The following EGFR variants were observed in gnomAD, a reference collection of about 807,000 sequenced individuals.
EGFR encodes avian erythroblastic leukemia viral (v-erb-b) oncogene homolog.
Under a neutral mutation model 143.0 loss-of-function variants are expected in EGFR, and 58 were observed. The ratio of observed to expected loss-of-function variants is 0.41; its 90% CI spans 0.33 to 0.50. The LOEUF is 0.50. Ranked by LOEUF, EGFR falls within the 20% of genes least tolerant of loss-of-function variation. The probability of loss-of-function intolerance (pLI) is 0.39; values close to 1 mark genes in which losing one functional copy is unlikely to be tolerated. For synonymous variants in EGFR, 613 were observed against 594.4 expected, an observed-to-expected ratio of 1.03 and a Z score of -0.45; for missense variants, 1,307 against 1,579.0, an observed-to-expected ratio of 0.83 and a Z score of 2.92.
At chr7:55,148,414 G>A (rs1794879006) in intron 4 of EGFR, among the ~76,000 whole-genome samples, 1 of 152,138 alleles carries the variant, frequency 6.6e-6, no homozygotes, top group Non-Finnish European at 1.5e-5. Context: ...AAAGGGGAAT[G>A]ATGGGTAGGT....
chr7:55,121,948 C>T (rs1793233532), intron 1 of EGFR, among the ~76,000 whole-genome samples: 1 of 152,190 alleles, frequency 6.6e-6, no homozygotes, highest in Admixed American at 6.5e-5. Context: ...TGGATCTGGG[C>T]ATCTCTCTTT....
At chr7:55,023,673 A>C (rs540058678) in intron 1 of EGFR, among the ~76,000 whole-genome samples, 71 of 148,846 alleles carry the variant, frequency 4.8e-4, no homozygotes, top group African/African-American at 1.7e-3. Context: ...AAAAAAACAG[A>C]TTCTGTTCCT....
At chr7:55,096,147 G>A (rs545004745) in intron 1 of EGFR, among the ~76,000 whole-genome samples, 3 of 152,186 alleles carry the variant, frequency 2.0e-5, no homozygotes, top group African/African-American at 4.8e-5. Flanking sequence ...GTGAAGATTC[G>A]ATTTGAGGTG....
rs2128953547 is a variant in EGFR, at chr7:55,173,947, A to G, written c.2088A>G (p.Gly696=). 6.2e-7 allele frequency: 1 copy of G among 1,614,238 alleles called. No individual in the cohort carries two copies. Among genetic ancestry groups the G allele is most frequent in the Non-Finnish European group, 8.5e-7 (1 of 1,180,038 alleles). ...RELVEPLTPS[G]EAPNQALLRI... ...TTGTGGAGCCTCTTACACCCAGTGG[A>G]GAAGCTCCCAACCAAGCTCTCTTGA... Residue 696 remains glycine (G), a synonymous_variant, in exon 18 of 28, where the codon GGA becomes GGG. Coordinates refer to ENST00000275493, the MANE Select transcript of EGFR (RefSeq NM_005228.5).
intron 1 of EGFR, among the ~76,000 whole-genome samples, chr7:55,140,966 A>G (rs1333893873): frequency 2.0e-5 from 3 of 152,244 alleles, no homozygotes; most frequent in African/African-American, 4.8e-5. Context: ...AGACAGTCCA[A>G]TGATACTCTT....
chr7:55,131,096 A>G (rs1000053581), intron 1 of EGFR, among the ~76,000 whole-genome samples: 2 of 152,204 alleles, frequency 1.3e-5, no homozygotes, highest in African/African-American at 4.8e-5. Context: ...AGTCACAGGT[A>G]CATGAGTCCT....
intron 1 of EGFR, among the ~76,000 whole-genome samples, chr7:55,089,856 A>G (rs1041247083): frequency 1.3e-5 from 2 of 152,198 alleles, no homozygotes; most frequent in African/African-American, 4.8e-5. Context: ...CCAGCTATGC[A>G]GGATGCCCTC....
chr7:55,111,955 G>A (rs1035974221), intron 1 of EGFR, among the ~76,000 whole-genome samples: 3 of 152,310 alleles, frequency 2.0e-5, no homozygotes, highest in Middle Eastern at 3.4e-3. Context: ...GTGGGGTGGG[G>A]TCCCAGGGTG....
At chr7:55,028,011 TATATATATATATATAC>T (rs61208955) in intron 1 of EGFR, among the ~76,000 whole-genome samples, 3,986 of 124,852 alleles carry the variant, frequency 0.032, 225 homozygotes, top group African/African-American at 0.12. Flanking sequence ...TATATATATA[TATATATATATATATAC>T]ACACACACAC....
At chr7:55,068,987 C>T (rs917417080) in intron 1 of EGFR, among the ~76,000 whole-genome samples, 2 of 152,136 alleles carry the variant, frequency 1.3e-5, no homozygotes, top group Non-Finnish European at 2.9e-5. Flanking sequence ...TGCAGGGACA[C>T]TTTGGGAACA....
intron 1 of EGFR, among the ~76,000 whole-genome samples, chr7:55,039,249 T>C (rs931680396): frequency 6.6e-6 from 1 of 152,242 alleles, no homozygotes; most frequent in Non-Finnish European, 1.5e-5. Flanking sequence ...TAAGGCTTTC[T>C]ATGACCTGCT....
chr7:55,117,387 T>TG lies in EGFR; in HGVS notation c.89-24892dup, dbSNP rs1485207113. On this transcript the variant is annotated intron_variant, in intron 1 of 27. Transcript: ENST00000275493. The stretch of plus-strand genomic sequence containing the variant: ...CTACAAGGAGGGGCATTTCCCGGGG[T>TG]GGGGGGGACCCACACTCTGTAACTC... Among the ~76,000 whole-genome samples, 30 of 151,618 alleles carry TG rather than the reference T, an allele frequency of 2.0e-4. No individual in the cohort carries two copies. The South Asian group carries it at 4.2e-3, about 21-fold the overall frequency.
At position 55,205,878 on chromosome 7, in the gene EGFR, T is replaced by A; in HGVS notation, c.*261T>A. The A allele has an allele frequency of 1.9e-6, 1 of 536,296 alleles. No homozygotes were observed. Among genetic ancestry groups the A allele is most frequent in the Non-Finnish European group, 3.3e-6 (1 of 302,330 alleles). The allele number at this position is 536,296 out of a possible 1,614,324, so 33.2% of individuals were successfully genotyped here. ...TATTGTCCCTTTGAGCAGAAATTTATCTTTCAAAGAGGTATATTTGAAAAA... is the reference window on the plus strand; with the variant it reads ...TATTGTCCCTTTGAGCAGAAATTTAACTTTCAAAGAGGTATATTTGAAAAA... On this transcript the variant is annotated 3_prime_UTR_variant, in exon 28 of 28. Transcript: ENST00000275493.
At chr7:55,177,946 G>A (rs376966058) in intron 19 of EGFR, among the ~76,000 whole-genome samples, 2 of 152,242 alleles carry the variant, frequency 1.3e-5, no homozygotes, top group South Asian at 2.1e-4. Flanking sequence ...ACTGAACAGC[G>A]TTCCCATTGT....
At chr7:55,194,824 G>A (rs1787551256) in intron 22 of EGFR, among the ~76,000 whole-genome samples, 1 of 152,226 alleles carries the variant, frequency 6.6e-6, no homozygotes, top group South Asian at 2.1e-4. Flanking sequence ...TGCCACGGCA[G>A]ATTATAATCA....
intron 1 of EGFR, among the ~76,000 whole-genome samples, chr7:55,121,056 G>A (rs1404531068): frequency 6.6e-6 from 1 of 152,162 alleles, no homozygotes; most frequent in Non-Finnish European, 1.5e-5. Context: ...TGAAAGCCTG[G>A]AAGATTCCAT....
Position 55,174,839 on chromosome 7 carries a change from G to T in EGFR, c.2283+19G>T. ...CCTCGATGTGAGTTTCTGCTTTGCT[G>T]TGTGGGGGTCCATGGCTCTGAACCT... On this transcript the variant is annotated intron_variant, in intron 19 of 27. Coordinates refer to ENST00000275493, the MANE Select transcript of EGFR (RefSeq NM_005228.5). 1 of 1,604,508 alleles carries T rather than the reference G, an allele frequency of 6.2e-7. No homozygotes were observed. Among genetic ancestry groups the T allele is most frequent in the Non-Finnish European group, 8.5e-7 (1 of 1,171,316 alleles).
At chr7:55,181,018 C>G in intron 19 of EGFR, 1 of 562,396 alleles carries the variant, frequency 1.8e-6, no homozygotes, top group Non-Finnish European at 3.2e-6. Flanking sequence ...CTCCTTTATC[C>G]AATGTGCTCC....
intron 1 of EGFR, among the ~76,000 whole-genome samples, chr7:55,096,637 G>A (rs1300824388): frequency 2.6e-5 from 4 of 152,162 alleles, no homozygotes; most frequent in South Asian, 2.1e-4. Context: ...AGGAGTTCCC[G>A]GCCACGCAGC....
Sources: allele counts gnomAD v4.1 joint callset (sites outside exome capture counted in the v4.1 genomes callset), GRCh38; gene constraint gnomAD v4.1.1; transcripts MANE v1.5; gene names NCBI Gene and HGNC (gene_info 2026-07-23, HGNC 2026-07-21).